The following ZC3H8 variants were observed in gnomAD, a reference collection of about 807,000 sequenced individuals.
The protein encoded by ZC3H8 is zinc finger CCCH domain-containing protein 8.
ZC3H8 carries 27 observed loss-of-function variants against 42.5 expected under a neutral mutation model. The ratio of observed to expected loss-of-function variants is 0.64; its 90% CI spans 0.47 to 0.88. The LOEUF (loss-of-function observed/expected upper bound fraction) is 0.88, where lower values mean the gene tolerates loss of function less well. Ranked by LOEUF, ZC3H8 falls within the 40% of genes least tolerant of loss-of-function variation. The pLI, the probability that ZC3H8 is intolerant of heterozygous loss-of-function variation, is 0.00. For synonymous variants in ZC3H8, 101 were observed against 110.1 expected (o/e 0.92, Z 0.52); for missense variants, 277 against 336.1 (o/e 0.82, Z 1.37).
chr2:112,241,942 G>T (rs531077422), intron 2 of ZC3H8, among the ~76,000 whole-genome samples: 16 of 152,146 alleles, frequency 1.1e-4, no homozygotes, highest in Middle Eastern at 3.4e-3. Flanking sequence ...ACTGCTAAAG[G>T]GGGTGCATGG....
chr2:112,240,384 A>T (rs764199484), intron 2 of ZC3H8: 1 of 152,214 alleles, frequency 6.6e-6, no homozygotes, highest in Non-Finnish European at 1.5e-5. Flanking sequence ...TTTGGCCTTT[A>T]ATTTTATTTA....
At chr2:112,239,471 T>C (rs1355414409) in intron 2 of ZC3H8, among the ~76,000 whole-genome samples, 4 of 152,098 alleles carry the variant, frequency 2.6e-5, no homozygotes, top group Non-Finnish European at 5.9e-5. Context: ...TGGTCTCTTA[T>C]TTGCTTTCAC....
At chr2:112,236,760 T>A in intron 3 of ZC3H8, 65 bp from the exon 4 acceptor site, 1 of 1,429,670 alleles carries the variant, frequency 7.0e-7, no homozygotes, top group Non-Finnish European at 9.5e-7. Context: ...TTTTAAGAAG[T>A]ACGGGGCCAG....
chr2:112,241,009 TTGTGTGTG>T (rs3048247), intron 2 of ZC3H8, among the ~76,000 whole-genome samples: 2 of 145,562 alleles, frequency 1.4e-5, no homozygotes, highest in East Asian at 2.0e-4. Context: ...GTGTTGTGTT[TTGTGTGTG>T]TGTGTGTGTG....
intron 2 of ZC3H8, among the ~76,000 whole-genome samples, chr2:112,241,320 C>T (rs565525038): frequency 2.0e-5 from 3 of 152,242 alleles, no homozygotes; most frequent in Admixed American, 6.5e-5. Flanking sequence ...GTGGGTACTA[C>T]GACCACCCAC....
chr2:112,249,274 G>A (rs929787411), intron 2 of ZC3H8, among the ~76,000 whole-genome samples: 13 of 152,116 alleles, frequency 8.5e-5, no homozygotes, highest in Non-Finnish European at 1.8e-4. Context: ...AAATCAGGAT[G>A]ATACTTTTGC....
At chr2:112,233,806 T>TTGA (rs1685196257) in intron 5 of ZC3H8, among the ~76,000 whole-genome samples, 1 of 152,006 alleles carries the variant, frequency 6.6e-6, no homozygotes, top group South Asian at 2.1e-4. Flanking sequence ...GAGGCGGAGC[T>TTGA]TGCAGTGAGC....
chr2:112,234,079 G>T, intron 5 of ZC3H8, 41 bp downstream of exon 5: 1 of 1,174,576 alleles, frequency 8.5e-7, no homozygotes, highest in Non-Finnish European at 1.2e-6. Context: ...AGAAAGAGCA[G>T]TTTTACATTT....
At chr2:112,245,850 G>T (rs1685743313) in intron 2 of ZC3H8, among the ~76,000 whole-genome samples, 1 of 152,174 alleles carries the variant, frequency 6.6e-6, no homozygotes, top group Non-Finnish European at 1.5e-5. Context: ...TCACTTCAAA[G>T]AATACCCTGA....
intron 7 of ZC3H8, among the ~76,000 whole-genome samples, chr2:112,231,269 G>T (rs1161339703): frequency 1.3e-5 from 2 of 152,014 alleles, no homozygotes; most frequent in Non-Finnish European, 2.9e-5. Context: ...GGAACATTTT[G>T]CCAGAAGATC....
chr2:112,249,723 C>T (rs1252376122), intron 2 of ZC3H8, among the ~76,000 whole-genome samples: 4 of 152,174 alleles, frequency 2.6e-5, no homozygotes, highest in Admixed American at 2.0e-4. Flanking sequence ...GGACTACAGG[C>T]GTGAGCCACC....
intron 8 of ZC3H8, among the ~76,000 whole-genome samples, chr2:112,224,059 A>AGC (rs1285030005): frequency 6.6e-6 from 1 of 152,164 alleles, no homozygotes; most frequent in Non-Finnish European, 1.5e-5. Flanking sequence ...GAATCGCTTC[A>AGC]GCCTGGGAGG....
chr2:112,220,169 T>C (rs561087544), intron 8 of ZC3H8, among the ~76,000 whole-genome samples: 1 of 152,366 alleles, frequency 6.6e-6, no homozygotes, highest in South Asian at 2.1e-4. Context: ...TATTGATACA[T>C]GCAGATTTGA....
intron 1 of ZC3H8, among the ~76,000 whole-genome samples, chr2:112,251,699 C>A (rs1685955470): frequency 6.6e-6 from 1 of 152,206 alleles, no homozygotes; most frequent in Non-Finnish European, 1.5e-5. Flanking sequence ...TAACTTGTCA[C>A]AGAGCTAATA....
At chr2:112,254,799 T>C in intron 1 of ZC3H8, 109 bp downstream of exon 1, 1 of 1,346,210 alleles carries the variant, frequency 7.4e-7, no homozygotes, top group South Asian at 1.3e-5. Context: ...CCACGGGCCC[T>C]CGCGACGCGG....
chr2:112,230,827 C>A, intron 8 of ZC3H8, 76 bp downstream of exon 8: 1 of 908,260 alleles, frequency 1.1e-6, no homozygotes, highest in Non-Finnish European at 1.5e-6. Context: ...TATTTGAGAA[C>A]CCTATTGAGG....
At chr2:112,248,379 G>GAAAA (rs1462468634) in intron 2 of ZC3H8, among the ~76,000 whole-genome samples, 1 of 151,830 alleles carries the variant, frequency 6.6e-6, no homozygotes, top group African/African-American at 2.4e-5. Flanking sequence ...AAGAAAGAAA[G>GAAAA]AAAAAGAAAA....
intron 8 of ZC3H8, among the ~76,000 whole-genome samples, chr2:112,224,436 T>C (rs1474885311): frequency 1.3e-5 from 2 of 152,164 alleles, no homozygotes; most frequent in African/African-American, 4.8e-5. Flanking sequence ...TACCAGAAAA[T>C]TGCAGGACAC....
rs535299676 is a variant in ZC3H8, at chr2:112,228,628, T to C, written c.*15+2275A>G. On this transcript the variant is annotated intron_variant, in intron 8 of 8. Transcript: ENST00000409573. Reference sequence around the variant, plus strand: ...TAGACATAAACACAAGAGCTAAAACTAGAAAATTTTTAGAAGAAAACATAA... The same window carrying C: ...TAGACATAAACACAAGAGCTAAAACCAGAAAATTTTTAGAAGAAAACATAA... Among the ~76,000 whole-genome samples, 56 of 151,890 alleles carry C rather than the reference T, an allele frequency of 3.7e-4. No individual in the cohort carries two copies. The South Asian group carries it at 0.011, about 30-fold the overall frequency.
Sources: allele counts gnomAD v4.1 joint callset (sites outside exome capture counted in the v4.1 genomes callset), GRCh38; gene constraint gnomAD v4.1.1; transcripts MANE v1.5; gene names NCBI Gene and HGNC (gene_info 2026-07-23, HGNC 2026-07-21).